The following FOXP1 variants were observed in gnomAD, a reference collection of about 807,000 sequenced individuals.
FOXP1 encodes forkhead box P1.
A neutral mutation model predicts 98.2 loss-of-function variants in FOXP1; 15 were observed. The ratio of observed to expected loss-of-function variants is 0.15; its 90% CI spans 0.10 to 0.24. The LOEUF (loss-of-function observed/expected upper bound fraction) is 0.24, where lower values mean the gene tolerates loss of function less well. Among genes scored for constraint, FOXP1 ranks in the 10% least tolerant of loss-of-function variants. The pLI is 1.00. For missense variants in FOXP1, 633 were observed against 848.5 expected (o/e 0.75, Z 3.15); for synonymous variants, 371 against 314.5 (o/e 1.18, Z -1.90).
chr3:71,147,804 TA>T (rs1184629240), intron 6 of FOXP1, among the ~76,000 whole-genome samples: 2 of 149,726 alleles, frequency 1.3e-5, no homozygotes, highest in African/African-American at 2.5e-5. Flanking sequence ...TTTAAAATAG[TA>T]AAAAAAAAAT....
At chr3:71,059,978 C>A (rs1406312457) in intron 7 of FOXP1, among the ~76,000 whole-genome samples, 4 of 152,090 alleles carry the variant, frequency 2.6e-5, no homozygotes, top group Admixed American at 2.6e-4. Flanking sequence ...TTTAGATCAA[C>A]AGTTACTGTT....
intron 5 of FOXP1, among the ~76,000 whole-genome samples, chr3:71,249,904 G>C (rs550582707): frequency 9.3e-4 from 141 of 152,270 alleles, no homozygotes; most frequent in Non-Finnish European, 1.5e-3. Context: ...CTAACTGGGG[G>C]CCATGGGACT....
intron 4 of FOXP1, among the ~76,000 whole-genome samples, chr3:71,319,084 C>A (rs982458093): frequency 6.6e-6 from 1 of 152,212 alleles, no homozygotes; most frequent in Non-Finnish European, 1.5e-5. Flanking sequence ...TTGCCATTAA[C>A]TGAAGTTTTC....
chr3:71,067,133 A>G (rs1402639049), intron 7 of FOXP1, among the ~76,000 whole-genome samples: 1 of 152,076 alleles, frequency 6.6e-6, no homozygotes, highest in East Asian at 1.9e-4. Flanking sequence ...AGAGAGGGAA[A>G]TGGCTTGGCA....
At chr3:70,996,389 C>T (rs192388037) in intron 13 of FOXP1, among the ~76,000 whole-genome samples, 53 of 152,296 alleles carry the variant, frequency 3.5e-4, no homozygotes, top group Non-Finnish European at 7.2e-4. Flanking sequence ...TTATTTCTGC[C>T]CAGCTTCCTG....
intron 2 of FOXP1, among the ~76,000 whole-genome samples, chr3:71,563,395 G>A (rs898635510): frequency 2.0e-5 from 3 of 152,156 alleles, no homozygotes; most frequent in African/African-American, 7.2e-5. Flanking sequence ...ATGTCTAAGG[G>A]CTCAGTGCAT....
At chr3:71,418,319 C>T (rs1320766162) in intron 3 of FOXP1, among the ~76,000 whole-genome samples, 1 of 152,084 alleles carries the variant, frequency 6.6e-6, no homozygotes, top group African/African-American at 2.4e-5. Context: ...TGCATGGATC[C>T]CCACAGAACC....
At chr3:71,335,513 A>G (rs957935132) in intron 4 of FOXP1, among the ~76,000 whole-genome samples, 1 of 152,156 alleles carries the variant, frequency 6.6e-6, no homozygotes. Flanking sequence ...AAGGAGATAA[A>G]GATGTAATAA....
intron 6 of FOXP1, among the ~76,000 whole-genome samples, chr3:71,151,811 T>G (rs1270877242): frequency 6.6e-6 from 1 of 152,148 alleles, no homozygotes; most frequent in Non-Finnish European, 1.5e-5. Flanking sequence ...CCCACTGCCC[T>G]ATTTTACAAA....
rs532468855 is a variant in FOXP1, at chr3:71,399,489, C to T, written c.-167-40245G>A. ...AAAATAAGCAGCTATTTGGGTATAC[C>T]TGAAGTTCTAAAATCCTATGCATTT... On this transcript the variant is annotated intron_variant, in intron 3 of 20. Transcript: ENST00000649528. Among the ~76,000 whole-genome samples the T allele has an allele frequency of 1.3e-5, 2 of 152,092 alleles. 1 individual carries two copies. The highest frequency in any genetic ancestry group is 4.1e-4 in the South Asian group (2 of 4,820).
intron 20 of FOXP1, among the ~76,000 whole-genome samples, chr3:70,961,602 C>G (rs2033533340): frequency 6.6e-6 from 1 of 151,922 alleles, no homozygotes; most frequent in Admixed American, 6.6e-5. Context: ...ACCCTCCCAG[C>G]AGTCTGTATT....
intron 3 of FOXP1, among the ~76,000 whole-genome samples, chr3:71,484,628 G>A (rs958422847): frequency 2.0e-5 from 3 of 152,148 alleles, no homozygotes; most frequent in Non-Finnish European, 2.9e-5. Flanking sequence ...AGAGAAAACT[G>A]AGGCTTGGAA....
chr3:71,217,885 A>G (rs2065062545), intron 5 of FOXP1, among the ~76,000 whole-genome samples: 1 of 152,100 alleles, frequency 6.6e-6, no homozygotes, highest in Non-Finnish European at 1.5e-5. Flanking sequence ...TCTCCCTCCA[A>G]CAAGTAGGTT....
chr3:71,177,583 G>A (rs114043612), intron 6 of FOXP1, among the ~76,000 whole-genome samples: 156 of 152,270 alleles, frequency 1.0e-3, no homozygotes, highest in African/African-American at 3.6e-3. Context: ...GATGTAGGGT[G>A]AAATCTGGGC....
intron 6 of FOXP1, among the ~76,000 whole-genome samples, chr3:71,133,461 ACCTTGAAT>A (rs973402327): frequency 2.0e-5 from 3 of 152,112 alleles, no homozygotes; most frequent in African/African-American, 7.2e-5. Context: ...GTCACCATAG[ACCTTGAAT>A]CCTTGAATGT....
intron 3 of FOXP1, among the ~76,000 whole-genome samples, chr3:71,478,957 A>G (rs2090063450): frequency 6.6e-6 from 1 of 152,218 alleles, no homozygotes; most frequent in Non-Finnish European, 1.5e-5. Context: ...GAGAAAGCTG[A>G]AAGAAAATGA....
At chr3:71,487,352 C>T (rs1022729210) in intron 3 of FOXP1, among the ~76,000 whole-genome samples, 1 of 152,150 alleles carries the variant, frequency 6.6e-6, no homozygotes, top group African/African-American at 2.4e-5. Flanking sequence ...GCCACAGCAC[C>T]CAGCCCAGAT....
At chr3:71,405,824 G>C (rs2082278723) in intron 3 of FOXP1, among the ~76,000 whole-genome samples, 1 of 151,996 alleles carries the variant, frequency 6.6e-6, no homozygotes, top group Non-Finnish European at 1.5e-5. Flanking sequence ...TGCCTCCCGG[G>C]TTCAAGCAAT....
Position 71,161,590 on chromosome 3 carries a change from A to G in FOXP1, c.180+36612T>C, listed in dbSNP as rs75750224. On this transcript the variant is annotated intron_variant, in intron 6 of 20. Coordinates refer to ENST00000649528, the MANE Select transcript of FOXP1 (RefSeq NM_001349338.3). ...AAATGTGAGAAGGCACTTAGACTCT[A>G]CCTCTTGAAGAAAGGAATGGAAAAG... 1.1e-3 allele frequency among the ~76,000 whole-genome samples: 164 copies of G among 152,282 alleles called. 3 individuals are homozygous for G. The highest frequency in any genetic ancestry group is 8.5e-3 in the East Asian group (44 of 5,182).
Sources: allele counts gnomAD v4.1 joint callset (sites outside exome capture counted in the v4.1 genomes callset), GRCh38; gene constraint gnomAD v4.1.1; transcripts MANE v1.5; gene names NCBI Gene and HGNC (gene_info 2026-07-23, HGNC 2026-07-21).